The following WFDC8 variants were observed in gnomAD, a reference collection of about 807,000 sequenced individuals.
WFDC8 encodes WAP four-disulfide core domain 8.
A neutral mutation model predicts 27.0 loss-of-function variants in WFDC8; 24 were observed. The ratio of observed to expected loss-of-function variants is 0.89; its 90% confidence interval spans 0.64 to 1.25. The LOEUF is 1.25. WFDC8 is among the 50% of genes most tolerant of loss of function. WFDC8 has a pLI of 0.00. For synonymous variants in WFDC8, 106 were observed against 99.7 expected (o/e 1.06, Z -0.38); for missense variants, 287 against 295.9 (o/e 0.97, Z 0.22).
At chr20:45,564,965 G>GAAGA (rs1175224764) in intron 1 of WFDC8, among the ~76,000 whole-genome samples, 1 of 63,652 alleles carries the variant, frequency 1.6e-5, no homozygotes, top group Non-Finnish European at 4.2e-5. Context: ...AGGAAGGAAG[G>GAAGA]AAAGAAAGAC....
rs967948406 is a variant in WFDC8, at chr20:45,551,952, A to C, written c.*74T>G. ...TAAGATAATTTGGCAAGTTGGATAC[A>C]AGACAAAACTGACAGCTCTTTATCA... On this transcript the variant is annotated 3_prime_UTR_variant, in exon 6 of 6. Coordinates refer to ENST00000289953, the MANE Select transcript of WFDC8 (RefSeq NM_130896.3). The C allele has an allele frequency of 1.3e-6, 2 of 1,553,982 alleles. No homozygotes were observed. The highest frequency in any genetic ancestry group is 1.7e-6 in the Non-Finnish European group (2 of 1,144,672).
At chr20:45,571,688 A>G (rs1260437281) in intron 1 of WFDC8, among the ~76,000 whole-genome samples, 1 of 152,148 alleles carries the variant, frequency 6.6e-6, no homozygotes, top group African/African-American at 2.4e-5. Context: ...TACTTCTACA[A>G]GTTCAACTTT....
At chr20:45,561,002 T>C (rs1172141677) in intron 2 of WFDC8, among the ~76,000 whole-genome samples, 3 of 152,172 alleles carry the variant, frequency 2.0e-5, no homozygotes, top group Non-Finnish European at 4.4e-5. Context: ...TGGGAACCAT[T>C]GTTCTAGGTT....
chr20:45,574,357 G>T (rs946979612), intron 1 of WFDC8, among the ~76,000 whole-genome samples: 2 of 151,658 alleles, frequency 1.3e-5, no homozygotes, highest in Admixed American at 6.6e-5. Flanking sequence ...CTCATTTTAT[G>T]AGGCCAGCAT....
At chr20:45,559,850 A>C (rs4287826) in intron 2 of WFDC8, 81,604 of 152,144 alleles carry the variant, frequency 0.54, 22,202 homozygotes, top group African/African-American at 0.59. Context: ...CAAGATCAGG[A>C]ATTTTCAGGG....
At chr20:45,563,496 G>T (rs1442688953) in intron 1 of WFDC8, among the ~76,000 whole-genome samples, 4 of 152,156 alleles carry the variant, frequency 2.6e-5, no homozygotes, top group African/African-American at 9.7e-5. Context: ...GCCTCAATTT[G>T]TCATAAAGGA....
At chr20:45,571,694 A>G (rs1366540319) in intron 1 of WFDC8, among the ~76,000 whole-genome samples, 2 of 152,138 alleles carry the variant, frequency 1.3e-5, no homozygotes, top group African/African-American at 4.8e-5. Flanking sequence ...TACAAGTTCA[A>G]CTTTTTAGAT....
chr20:45,553,060 C>G, intron 5 of WFDC8, 76 bp downstream of exon 5: 1 of 1,530,266 alleles, frequency 6.5e-7, no homozygotes, highest in Non-Finnish European at 8.8e-7. Context: ...TTCAAGACAC[C>G]CCCCACTCCA....
chr20:45,571,393 A>C (rs1320306033), intron 1 of WFDC8, among the ~76,000 whole-genome samples: 1 of 152,198 alleles, frequency 6.6e-6, no homozygotes, highest in Non-Finnish European at 1.5e-5. Flanking sequence ...TATGTGCTAC[A>C]ATTTAATGTT....
chr20:45,558,042 C>T (rs183671486), intron 3 of WFDC8, among the ~76,000 whole-genome samples: 1 of 152,320 alleles, frequency 6.6e-6, no homozygotes, highest in African/African-American at 2.4e-5. Flanking sequence ...CCGCCCCCCT[C>T]TAAGCTAACG....
intron 4 of WFDC8, among the ~76,000 whole-genome samples, chr20:45,554,019 C>G (rs1052717626): frequency 6.6e-6 from 1 of 152,070 alleles, no homozygotes; most frequent in Non-Finnish European, 1.5e-5. Context: ...GTTTTTGAGA[C>G]AGGGTTTCCC....
chr20:45,553,037 G>A, intron 5 of WFDC8, 99 bp downstream of exon 5: 1 of 1,437,894 alleles, frequency 7.0e-7, no homozygotes, highest in Non-Finnish European at 9.4e-7. Flanking sequence ...ATGAGCCCAA[G>A]GAGCATCTGA....
At chr20:45,577,867 A>T (rs79909607) in intron 1 of WFDC8, among the ~76,000 whole-genome samples, 1 of 148,348 alleles carries the variant, frequency 6.7e-6, no homozygotes, top group Non-Finnish European at 1.5e-5. Flanking sequence ...ATTAGCCTGG[A>T]GTGGTGGTGC....
intron 1 of WFDC8, among the ~76,000 whole-genome samples, chr20:45,574,214 T>C (rs1035109504): frequency 2.0e-5 from 3 of 152,170 alleles, no homozygotes; most frequent in Admixed American, 1.3e-4. Flanking sequence ...TAATTGGTAA[T>C]TAAAAGTCTC....
At chr20:45,559,084 C>T in intron 2 of WFDC8, 92 bp from the exon 3 acceptor site, 1 of 1,498,690 alleles carries the variant, frequency 6.7e-7, no homozygotes, top group Non-Finnish European at 9.1e-7. Flanking sequence ...TCTCTCAGCC[C>T]TATCCTCTAC....
intron 1 of WFDC8, among the ~76,000 whole-genome samples, chr20:45,570,660 T>C (rs1320932571): frequency 6.6e-6 from 1 of 152,210 alleles, no homozygotes; most frequent in East Asian, 1.9e-4. Context: ...TATTCATTTC[T>C]CTTAAATAAA....
chr20:45,576,785 T>C (rs1981061725), intron 1 of WFDC8, among the ~76,000 whole-genome samples: 1 of 151,562 alleles, frequency 6.6e-6, no homozygotes, highest in Admixed American at 6.6e-5. Context: ...TTCTTTTGCG[T>C]TCAACCATTC....
At chr20:45,562,283 A>AG (rs2145568419) in intron 1 of WFDC8, 64 bp from the exon 2 acceptor site, 2 of 1,388,674 alleles carry the variant, frequency 1.4e-6, no homozygotes, top group Non-Finnish European at 2.0e-6. Context: ...AAGTGTGTGC[A>AG]GGGGAACCTT....
At chr20:45,565,450 T>C (rs1181858288) in intron 1 of WFDC8, among the ~76,000 whole-genome samples, 1 of 152,218 alleles carries the variant, frequency 6.6e-6, no homozygotes, top group Non-Finnish European at 1.5e-5. Context: ...GTTGATTTAC[T>C]TGACAATGAG....
Sources: gnomAD v4.1 joint callset for allele counts (sites outside exome capture counted in the v4.1 genomes callset) on GRCh38, gnomAD v4.1.1 for gene constraint, MANE v1.5 for transcripts, NCBI Gene and HGNC (gene_info 2026-07-23, HGNC 2026-07-21) for gene names.